The following NFYB variants were observed in gnomAD, a reference collection of about 807,000 sequenced individuals.
NFYB encodes CAAT box DNA-binding protein subunit B.
In NFYB, 13 loss-of-function variants were observed where a neutral mutation model predicts 28.0. The observed-to-expected ratio is 0.46, with a 90% CI of 0.30 to 0.74. The LOEUF (loss-of-function observed/expected upper bound fraction) is 0.74. Among genes scored for constraint, NFYB ranks in the 30% least tolerant of loss-of-function variants. NFYB has a pLI of 0.07. For synonymous variants in NFYB, 74 were observed against 75.0 expected, an observed-to-expected ratio of 0.99 and a Z score of 0.07; for missense variants, 142 against 247.6, an observed-to-expected ratio of 0.57 and a Z score of 2.86.
intron 4 of NFYB, 38 bp from the exon 5 acceptor site, chr12:104,123,461 A>G: frequency 6.4e-7 from 1 of 1,554,192 alleles, no homozygotes; most frequent in Non-Finnish European, 8.8e-7. Flanking sequence ...AGAAACTATA[A>G]CCATCACCTT....
intron 2 of NFYB, chr12:104,131,532 T>C (rs1565827002): frequency 6.1e-6 from 2 of 325,340 alleles, no homozygotes; most frequent in South Asian, 4.8e-5. Flanking sequence ...TTTAAAGCTC[T>C]ATGGCACTTA....
chr12:104,131,323 A>C (rs2030914668), intron 2 of NFYB: 1 of 158,880 alleles, frequency 6.3e-6, no homozygotes, highest in African/African-American at 2.4e-5. Flanking sequence ...TTTGAAGAGA[A>C]GCCGCACATC....
chr12:104,131,763 G>A (rs762567509), intron 2 of NFYB: 147 of 456,046 alleles, frequency 3.2e-4, no homozygotes, highest in Admixed American at 2.5e-3. Context: ...CCAGGTTCAT[G>A]CTATGTGCTG....
intron 2 of NFYB, among the ~76,000 whole-genome samples, chr12:104,134,606 A>G (rs908699896): frequency 2.0e-5 from 3 of 151,996 alleles, no homozygotes; most frequent in African/African-American, 7.3e-5. Context: ...CCAGTTCTAT[A>G]CTCTTGAACC....
At chr12:104,122,268 C>T (rs574306742) in intron 5 of NFYB, among the ~76,000 whole-genome samples, 1 of 152,318 alleles carries the variant, frequency 6.6e-6, no homozygotes, top group Non-Finnish European at 1.5e-5. Context: ...ACAGAATTTG[C>T]ATGTGGCAGA....
intron 2 of NFYB, among the ~76,000 whole-genome samples, chr12:104,135,128 CT>C (rs1224895724): frequency 1.3e-5 from 2 of 152,220 alleles, no homozygotes; most frequent in Non-Finnish European, 2.9e-5. Context: ...CTTCCCATAT[CT>C]ACTGCACTTA....
chr12:104,134,354 C>T (rs184860410), intron 2 of NFYB, among the ~76,000 whole-genome samples: 30 of 152,252 alleles, frequency 2.0e-4, no homozygotes, highest in South Asian at 4.1e-4. Context: ...TTCCCTGCAA[C>T]GGGGAAAGGA....
rs1414283365 is a variant in NFYB at position 104,136,872 on chromosome 12, T to C, written c.-80+1269A>G. 2.0e-5 allele frequency among the ~76,000 whole-genome samples: 3 copies of C among 152,346 alleles called. No individual in the cohort carries two copies. In the East Asian group the frequency reaches 5.8e-4, roughly 29 times the overall value. On this transcript the variant is annotated intron_variant, in intron 1 of 7. Transcript: ENST00000240055. ...GCAAATTTGTATCCAAGAAAAGCAG[T>C]AGTCCCTTCCTCCACCCTCCATTCT...
intron 4 of NFYB, chr12:104,125,281 C>T (rs2030642689): frequency 6.4e-6 from 1 of 155,614 alleles, no homozygotes; most frequent in Non-Finnish European, 1.4e-5. Context: ...CGTCTGATCT[C>T]GGAAGCTAAG....
rs371842973 is a variant in NFYB at position 104,119,774 on chromosome 12, G to C, written c.592-5C>G. 6.3e-7 allele frequency: 1 copy of C among 1,588,492 alleles called. No individual in the cohort carries two copies. The highest frequency in any genetic ancestry group is 1.3e-5 in the African/African-American group (1 of 74,356). On this transcript the variant is annotated splice_polypyrimidine_tract_variant and splice_region_variant and intron_variant, in intron 7 of 7. Coordinates refer to ENST00000240055, the MANE Select transcript of NFYB (RefSeq NM_006166.4). ...AATTTGCTGAACACCAGAAATCTAAGATTAGAAAATTTAAATTGAGCAGAA... is the reference window on the plus strand; with the variant it reads ...AATTTGCTGAACACCAGAAATCTAACATTAGAAAATTTAAATTGAGCAGAA...
chr12:104,125,680 T>G (rs2030673631), intron 4 of NFYB, among the ~76,000 whole-genome samples: 1 of 151,046 alleles, frequency 6.6e-6, no homozygotes, highest in Non-Finnish European at 1.5e-5. Context: ...GAAACCCCAT[T>G]TCTACCAAAA....
intron 4 of NFYB, 74 bp downstream of exon 4, chr12:104,126,040 A>C: frequency 1.4e-6 from 2 of 1,415,490 alleles, no homozygotes; most frequent in Non-Finnish European, 1.9e-6. Context: ...AGCTAACTGT[A>C]CCCATGACCT....
At chr12:104,133,177 T>C (rs2030985749) in intron 2 of NFYB, among the ~76,000 whole-genome samples, 1 of 152,334 alleles carries the variant, frequency 6.6e-6, no homozygotes, top group Admixed American at 6.5e-5. Context: ...CATGCAATGT[T>C]CACAAGCCTG....
intron 2 of NFYB, among the ~76,000 whole-genome samples, chr12:104,129,388 T>C (rs2030842606): frequency 6.6e-6 from 1 of 152,158 alleles, no homozygotes; most frequent in African/African-American, 2.4e-5. Context: ...CTGATTTTCC[T>C]TTTGCTCCTG....
At chr12:104,137,143 A>G (rs537344273) in intron 1 of NFYB, among the ~76,000 whole-genome samples, 1 of 152,278 alleles carries the variant, frequency 6.6e-6, no homozygotes, top group East Asian at 1.9e-4. Flanking sequence ...AGCACGAACC[A>G]CGCAACTATG....
At chr12:104,124,809 A>G (rs2030620431) in intron 4 of NFYB, among the ~76,000 whole-genome samples, 1 of 152,238 alleles carries the variant, frequency 6.6e-6, no homozygotes, top group Non-Finnish European at 1.5e-5. Context: ...CTGGTCATAC[A>G]TAGCCTATGT....
chr12:104,134,354 C>A (rs184860410), intron 2 of NFYB, among the ~76,000 whole-genome samples: 1 of 152,252 alleles, frequency 6.6e-6, no homozygotes, highest in African/African-American at 2.4e-5. Flanking sequence ...TTCCCTGCAA[C>A]GGGGAAAGGA....
chr12:104,127,832 T>C (rs943853346), intron 3 of NFYB, among the ~76,000 whole-genome samples: 3 of 151,742 alleles, frequency 2.0e-5, no homozygotes, highest in Non-Finnish European at 4.4e-5. Flanking sequence ...TACAGGTACA[T>C]GCCACCAAGC....
intron 3 of NFYB, among the ~76,000 whole-genome samples, chr12:104,126,980 A>G (rs1393584513): frequency 6.6e-6 from 1 of 152,228 alleles, no homozygotes; most frequent in Non-Finnish European, 1.5e-5. Flanking sequence ...ACAAAGCTAG[A>G]GCAGTGATCC....
Sources: gnomAD v4.1 joint callset for allele counts (sites outside exome capture counted in the v4.1 genomes callset) on GRCh38, gnomAD v4.1.1 for gene constraint, MANE v1.5 for transcripts, NCBI Gene and HGNC (gene_info 2026-07-23, HGNC 2026-07-21) for gene names.